ICA1: variants seen among roughly 807,000 people sequenced by gnomAD.
ICA1 encodes 69 kDa islet cell autoantigen.
Under a neutral mutation model 71.0 loss-of-function variants are expected in ICA1, and 40 were observed. The observed-to-expected ratio is 0.56, with a 90% CI of 0.44 to 0.73. ICA1 has a LOEUF of 0.73. Among genes scored for constraint, ICA1 ranks in the 30% least tolerant of loss-of-function variants. ICA1 has a pLI of 0.00. For missense variants in ICA1, 578 were observed against 576.5 expected (o/e 1.00, Z -0.03); for synonymous variants, 207 against 209.5 (o/e 0.99, Z 0.10).
Position 8,156,913 on chromosome 7 carries a change from T to C in ICA1, c.804+203A>G, listed in dbSNP as rs755216703. ...TGGATTGCAGTAGATTCTCATTGTA[T>C]TGAATCCTGATGCAGTAAAAAAAAA... On this transcript the variant is annotated intron_variant, in intron 8 of 13. Coordinates refer to ENST00000402384, the MANE Select transcript of ICA1 (RefSeq NM_001136020.3). The C allele has an allele frequency of 1.7e-4, 253 of 1,526,198 alleles. 1 individual carries two copies. The South Asian group carries it at 2.6e-3, about 15-fold the overall frequency. 94.5% of individuals were successfully genotyped at this position (1,526,198 alleles called of 1,614,324 possible). A position where few individuals can be genotyped will look rare whatever the true frequency, so the allele number is the denominator to read the frequency against.
At chr7:8,135,779 A>C (rs1793203528) in intron 12 of ICA1, among the ~76,000 whole-genome samples, 1 of 152,190 alleles carries the variant, frequency 6.6e-6, no homozygotes, top group Admixed American at 6.5e-5. Flanking sequence ...GACAATTAAA[A>C]TTGTTTTAAT....
rs1796281165 is a variant in ICA1 at position 8,144,640 on chromosome 7, T to TC, written c.805-669_805-668insG. Among the ~76,000 whole-genome samples, 1 of 151,198 alleles carries TC rather than the reference T, an allele frequency of 6.6e-6. No individual in the cohort carries two copies. The highest frequency in any genetic ancestry group is 1.5e-5 in the Non-Finnish European group (1 of 67,772). ...TTCAAGGTTAACTAAATATTTAAGTTTTTTTTTTTAAACAGCAAGTGCCTA... is the reference window on the plus strand; with the variant it reads ...TTCAAGGTTAACTAAATATTTAAGTTCTTTTTTTTTAAACAGCAAGTGCCTA... On this transcript the variant is annotated intron_variant, in intron 8 of 13. Coordinates refer to ENST00000402384, the MANE Select transcript of ICA1 (RefSeq NM_001136020.3). This position sits in a 1 kb window ranked among gnomAD's most constrained non-coding sequence, Gnocchi z 4.5.
At position 8,136,281 on chromosome 7, in the gene ICA1, C is replaced by G. The variant is rs549682593; in HGVS notation, c.1060+2559G>C. ...ATTACCACAGGGAGTGAACCGGCCC[C>G]CAAGCAGCAGGGTGCTAGAGCTTAT... On this transcript the variant is annotated intron_variant, in intron 12 of 13. Transcript: ENST00000402384. 5.9e-5 allele frequency among the ~76,000 whole-genome samples: 9 copies of G among 152,212 alleles called. No individual in the cohort carries two copies. In the East Asian group the frequency reaches 1.7e-3, roughly 29 times the overall value.
At chr7:8,129,593 G>C (rs1378196727) in intron 12 of ICA1, among the ~76,000 whole-genome samples, 1 of 152,150 alleles carries the variant, frequency 6.6e-6, no homozygotes, top group Non-Finnish European at 1.5e-5. Context: ...CATTCTTATT[G>C]TTTGTGTTAT....
At chr7:8,134,857 C>G (rs1792820800) in intron 12 of ICA1, among the ~76,000 whole-genome samples, 1 of 151,650 alleles carries the variant, frequency 6.6e-6, no homozygotes, top group Admixed American at 6.6e-5. Context: ...AAAAAACAAA[C>G]AACAAACCAA....
At chr7:8,243,667 C>G (rs541659311) in intron 1 of ICA1, among the ~76,000 whole-genome samples, 2 of 152,228 alleles carry the variant, frequency 1.3e-5, no homozygotes, top group Non-Finnish European at 2.9e-5. Context: ...TTTAGAAAAC[C>G]CCATTGTCTC....
At chr7:8,195,722 G>A in intron 6 of ICA1, among the ~76,000 whole-genome samples, 1 of 151,932 alleles carries the variant, frequency 6.6e-6, no homozygotes, top group East Asian at 1.9e-4. Context: ...GCTCATGCTT[G>A]CAATCCCAGC....
chr7:8,187,207 T>C (rs1784177915), intron 6 of ICA1, among the ~76,000 whole-genome samples: 2 of 152,202 alleles, frequency 1.3e-5, no homozygotes, highest in South Asian at 4.1e-4. Flanking sequence ...CTATACTTTT[T>C]TACAAAGTAT....
intron 1 of ICA1, among the ~76,000 whole-genome samples, chr7:8,251,680 C>T (rs1346625099): frequency 6.6e-6 from 1 of 151,840 alleles, no homozygotes; most frequent in Non-Finnish European, 1.5e-5. Flanking sequence ...CAATTTGGTG[C>T]TCTCCTCTGT....
At chr7:8,225,036 C>A (rs760906300) in intron 4 of ICA1, among the ~76,000 whole-genome samples, 9 of 152,188 alleles carry the variant, frequency 5.9e-5, no homozygotes, top group African/African-American at 2.2e-4. Context: ...GGTTTCTCCA[C>A]TGCAAAGTTA....
intron 12 of ICA1, among the ~76,000 whole-genome samples, chr7:8,137,188 G>C (rs1793724885): frequency 6.6e-6 from 1 of 152,026 alleles, no homozygotes; most frequent in South Asian, 2.1e-4. Context: ...TGAGAGTGAG[G>C]ATTCTTTTAC....
At chr7:8,256,411 C>G (rs548344249) in intron 1 of ICA1, among the ~76,000 whole-genome samples, 2 of 152,270 alleles carry the variant, frequency 1.3e-5, no homozygotes, top group African/African-American at 4.8e-5. Flanking sequence ...ACTATTCCCT[C>G]TGCGCATGTC....
At chr7:8,206,641 T>C (rs941221133) in intron 6 of ICA1, among the ~76,000 whole-genome samples, 1 of 150,352 alleles carries the variant, frequency 6.7e-6, no homozygotes, top group African/African-American at 2.5e-5. Context: ...CTTAGCTTCC[T>C]CAGCTCATCT....
chr7:8,216,619 C>A (rs1795497309), intron 6 of ICA1, among the ~76,000 whole-genome samples: 1 of 147,736 alleles, frequency 6.8e-6, no homozygotes. Context: ...CTTCTGCCTT[C>A]CAGAATAATC....
intron 8 of ICA1, among the ~76,000 whole-genome samples, chr7:8,147,346 A>G (rs1797379236): frequency 6.6e-6 from 1 of 152,140 alleles, no homozygotes; most frequent in African/African-American, 2.4e-5. Flanking sequence ...TGTCACCACA[A>G]TCACAGTTAA....
At chr7:8,156,920 C>A (rs930824432) in intron 8 of ICA1, 196 bp downstream of exon 8, 1 of 1,525,588 alleles carries the variant, frequency 6.6e-7, no homozygotes, top group Non-Finnish European at 8.8e-7. Context: ...GTATTGAATC[C>A]TGATGCAGTA....
chr7:8,194,614 A>G (rs867116577), intron 6 of ICA1, among the ~76,000 whole-genome samples: 2 of 152,202 alleles, frequency 1.3e-5, no homozygotes, highest in Non-Finnish European at 2.9e-5. Flanking sequence ...GATTCCTACA[A>G]ATTCAGGGGA....
chr7:8,194,012 C>T (rs3807826), intron 6 of ICA1, among the ~76,000 whole-genome samples: 74,886 of 152,138 alleles, frequency 0.49, 22,644 homozygotes, highest in African/African-American at 0.87. Flanking sequence ...CTTTCAGTCT[C>T]TGTCCATATG....
At chr7:8,237,300 G>A (rs1802154610) in intron 1 of ICA1, among the ~76,000 whole-genome samples, 1 of 152,098 alleles carries the variant, frequency 6.6e-6, no homozygotes, top group South Asian at 2.1e-4. Flanking sequence ...TTCACTGTAA[G>A]TACACATTTA....
Sources: gnomAD v4.1 joint callset for allele counts (sites outside exome capture counted in the v4.1 genomes callset) on GRCh38, gnomAD v4.1.1 for gene constraint, Gnocchi (gnomAD v3.1) non-coding constraint, MANE v1.5 for transcripts, NCBI Gene and HGNC (gene_info 2026-07-23, HGNC 2026-07-21) for gene names.